The following RABGAP1L variants were observed in gnomAD, a reference collection of about 807,000 sequenced individuals.
RABGAP1L encodes rab GTPase-activating protein 1-like.
RABGAP1L carries 63 observed loss-of-function variants against 137.7 expected under a neutral mutation model. That is an observed-to-expected ratio of 0.46 (90% CI 0.37 to 0.56). The LOEUF is 0.56. Among genes scored for constraint, RABGAP1L ranks in the 20% least tolerant of loss-of-function variants. The pLI is 0.00. For synonymous variants in RABGAP1L, 431 were observed against 433.7 expected (o/e 0.99, Z 0.08); for missense variants, 1,095 against 1,244.0 (o/e 0.88, Z 1.80).
At chr1:174,969,639 C>G (rs868329500) in intron 21 of RABGAP1L, among the ~76,000 whole-genome samples, 1 of 152,174 alleles carries the variant, frequency 6.6e-6, no homozygotes, top group Non-Finnish European at 1.5e-5. Context: ...GATACCTTTC[C>G]TGAACCAATG....
intron 13 of RABGAP1L, among the ~76,000 whole-genome samples, chr1:174,493,821 GAA>G (rs1216753395): frequency 0.015 from 1,338 of 89,534 alleles, 18 homozygotes; most frequent in African/African-American, 0.051. Flanking sequence ...GACCCTGTCT[GAA>G]AAAAAAAAAA....
chr1:174,878,761 A>T (rs953526094), intron 19 of RABGAP1L, among the ~76,000 whole-genome samples: 2 of 152,070 alleles, frequency 1.3e-5, no homozygotes, highest in African/African-American at 4.8e-5. Flanking sequence ...ATTTTAAAAG[A>T]CTTAAGGGTT....
At chr1:174,174,195 TAC>T (rs56864336) in intron 1 of RABGAP1L, among the ~76,000 whole-genome samples, 3,244 of 145,586 alleles carry the variant, frequency 0.022, 58 homozygotes, top group South Asian at 0.052. Flanking sequence ...GGAAAAAAAA[TAC>T]ACACACACAC....
At chr1:174,210,274 A>G (rs1366999354) in intron 1 of RABGAP1L, among the ~76,000 whole-genome samples, 1 of 152,214 alleles carries the variant, frequency 6.6e-6, no homozygotes, top group Admixed American at 6.5e-5. Flanking sequence ...CCAGGGACCA[A>G]TTCTGGAGAA....
intron 13 of RABGAP1L, among the ~76,000 whole-genome samples, chr1:174,415,480 T>C (rs1369218779): frequency 6.6e-6 from 1 of 152,076 alleles, no homozygotes; most frequent in African/African-American, 2.4e-5. Flanking sequence ...TCAGGAAAAT[T>C]CAGTCACTTT....
intron 11 of RABGAP1L, among the ~76,000 whole-genome samples, chr1:174,341,066 T>C (rs544928788): frequency 3.5e-4 from 54 of 152,332 alleles, no homozygotes; most frequent in Non-Finnish European, 6.0e-4. Flanking sequence ...TGTCTTCTTT[T>C]GAGAAGTGTC....
At chr1:174,207,497 G>T (rs1433801287) in intron 1 of RABGAP1L, among the ~76,000 whole-genome samples, 3 of 152,190 alleles carry the variant, frequency 2.0e-5, no homozygotes, top group African/African-American at 7.2e-5. Flanking sequence ...TAGGTCAGGA[G>T]CTGACTGGAT....
At chr1:174,248,273 T>A (rs772495138) in intron 5 of RABGAP1L, among the ~76,000 whole-genome samples, 11 of 152,212 alleles carry the variant, frequency 7.2e-5, no homozygotes, top group Admixed American at 2.0e-4. Context: ...GGCTGTATGT[T>A]CTCTCTTGTA....
At chr1:174,212,335 G>A (rs557086139) in intron 1 of RABGAP1L, among the ~76,000 whole-genome samples, 46 of 152,036 alleles carry the variant, frequency 3.0e-4, no homozygotes, top group Middle Eastern at 3.4e-3. Context: ...GGTCTTTGCC[G>A]TTAAAAAGGC....
chr1:174,499,411 A>T (rs769018826), intron 13 of RABGAP1L, among the ~76,000 whole-genome samples: 14 of 152,242 alleles, frequency 9.2e-5, no homozygotes, highest in Non-Finnish European at 1.8e-4. Flanking sequence ...CATAGAAAAT[A>T]ACAAAATGTG....
intron 13 of RABGAP1L, among the ~76,000 whole-genome samples, chr1:174,428,959 A>T (rs1394790961): frequency 6.7e-6 from 1 of 148,844 alleles, no homozygotes; most frequent in African/African-American, 2.6e-5. Context: ...TGAATATGAT[A>T]CTGAGAGCTA....
chr1:174,307,528 A>G (rs943765869), intron 11 of RABGAP1L, among the ~76,000 whole-genome samples: 1 of 152,112 alleles, frequency 6.6e-6, no homozygotes, highest in Non-Finnish European at 1.5e-5. Context: ...CCTATTTTGC[A>G]TAATTCATAT....
chr1:174,221,862 A>G (rs1325623454), intron 3 of RABGAP1L, among the ~76,000 whole-genome samples: 2 of 152,184 alleles, frequency 1.3e-5, no homozygotes, highest in Non-Finnish European at 2.9e-5. Context: ...GGTGGCAAAG[A>G]GAAAGTCTTC....
Position 174,335,319 on chromosome 1 carries a change from T to TG in RABGAP1L, c.1465+30194dup, listed in dbSNP as rs1156519686. 3.3e-5 allele frequency among the ~76,000 whole-genome samples: 5 copies of TG among 152,342 alleles called. No individual in the cohort carries two copies. The South Asian group carries it at 1.0e-3, about 32-fold the overall frequency. Reference sequence around the variant, plus strand: ...AACAATTTGCCTGTCAAAGCAAAAGTGGAAGTTCAAGTCATTCTAAATTGT... The same window carrying TG: ...AACAATTTGCCTGTCAAAGCAAAAGTGGGAAGTTCAAGTCATTCTAAATTGT... On this transcript the variant is annotated intron_variant, in intron 11 of 25. Transcript: ENST00000681986.
At chr1:174,616,865 A>T (rs952352221) in intron 13 of RABGAP1L, among the ~76,000 whole-genome samples, 1 of 152,168 alleles carries the variant, frequency 6.6e-6, no homozygotes, top group Non-Finnish European at 1.5e-5. Context: ...GACTGCCTGG[A>T]GGTACTATGT....
chr1:174,242,766 A>G (rs957320401), intron 5 of RABGAP1L, among the ~76,000 whole-genome samples: 2 of 152,196 alleles, frequency 1.3e-5, no homozygotes, highest in Non-Finnish European at 2.9e-5. Flanking sequence ...TGTTTTTTAG[A>G]TAAGGCTTTA....
intron 17 of RABGAP1L, among the ~76,000 whole-genome samples, chr1:174,711,591 G>A (rs541888969): frequency 3.3e-5 from 5 of 152,260 alleles, no homozygotes; most frequent in Admixed American, 2.0e-4. Context: ...TGGCCCACCC[G>A]CACCACGCTC....
chr1:174,890,897 T>C (rs1656029180), intron 19 of RABGAP1L, among the ~76,000 whole-genome samples: 1 of 152,198 alleles, frequency 6.6e-6, no homozygotes, highest in South Asian at 2.1e-4. Flanking sequence ...TGTGAGTGTG[T>C]AGGTTGTTTT....
At chr1:174,458,000 G>A (rs983813857) in intron 13 of RABGAP1L, among the ~76,000 whole-genome samples, 1 of 152,100 alleles carries the variant, frequency 6.6e-6, no homozygotes, top group African/African-American at 2.4e-5. Flanking sequence ...TTATCAGGTT[G>A]CTATTGTGTG....
Sources: gnomAD v4.1 joint callset for allele counts (sites outside exome capture counted in the v4.1 genomes callset) on GRCh38, gnomAD v4.1.1 for gene constraint, MANE v1.5 for transcripts, NCBI Gene and HGNC (gene_info 2026-07-23, HGNC 2026-07-21) for gene names.